SERPINB8: variants seen among roughly 807,000 people sequenced by gnomAD.
The protein encoded by SERPINB8 is serpin B8.
SERPINB8 carries 25 observed loss-of-function variants against 35.3 expected under a neutral mutation model. That is an observed-to-expected ratio of 0.71 (90% confidence interval 0.52 to 0.99). The LOEUF is 0.99. Among genes scored for constraint, SERPINB8 ranks in the 50% least tolerant of loss-of-function variants. SERPINB8 has a pLI of 0.00. For synonymous variants in SERPINB8, 186 were observed against 160.8 expected, an observed-to-expected ratio of 1.16 and a Z score of -1.19; for missense variants, 484 against 446.5, an observed-to-expected ratio of 1.08 and a Z score of -0.76.
downstream of SERPINB8, among the ~76,000 whole-genome samples, chr18:64,006,090 A>G (rs1020821053): frequency 8.5e-5 from 13 of 152,202 alleles, no homozygotes; most frequent in African/African-American, 2.9e-4. Flanking sequence ...TCCAAGGAAC[A>G]GAGAAATCAT....
intron 1 of SERPINB8, among the ~76,000 whole-genome samples, chr18:63,970,792 C>A (rs1394986982): frequency 2.6e-5 from 4 of 152,184 alleles, no homozygotes; most frequent in Non-Finnish European, 5.9e-5. Flanking sequence ...TGTCCCCCCC[C>A]TCCGTTCTTT....
chr18:64,001,432 G>A (rs985193046), intron 1 of SERPINB8, among the ~76,000 whole-genome samples: 2 of 151,968 alleles, frequency 1.3e-5, no homozygotes, highest in African/African-American at 4.8e-5. Context: ...GGAGGCACTC[G>A]ATTTAAGGAT....
At chr18:64,014,325 C>A (rs1387979671) in intron 7 of SERPINB8, among the ~76,000 whole-genome samples, 1 of 152,148 alleles carries the variant, frequency 6.6e-6, no homozygotes, top group African/African-American at 2.4e-5. Context: ...AAAAGAGGTG[C>A]CTTTCTTGCT....
At chr18:64,010,918 T>C (rs1019762147) in intron 7 of SERPINB8, among the ~76,000 whole-genome samples, 1 of 151,156 alleles carries the variant, frequency 6.6e-6, no homozygotes, top group Non-Finnish European at 1.5e-5. Flanking sequence ...TAGTGGGTAT[T>C]AGATGTTTAT....
At chr18:63,983,757 T>G in intron 5 of SERPINB8, 36 bp downstream of exon 5, 1 of 1,453,536 alleles carries the variant, frequency 6.9e-7, no homozygotes, top group African/African-American at 1.4e-5. Flanking sequence ...TGCTACTTTC[T>G]TAAAGTAATA....
chr18:63,999,352 C>G (rs968938318), intron 1 of SERPINB8, among the ~76,000 whole-genome samples: 1 of 152,202 alleles, frequency 6.6e-6, no homozygotes, highest in Middle Eastern at 3.2e-3. Context: ...GGTGCCCTAA[C>G]ACACCCGGAC....
intron 1 of SERPINB8, among the ~76,000 whole-genome samples, chr18:63,999,603 G>A (rs1568283705): frequency 6.6e-6 from 1 of 152,122 alleles, no homozygotes; most frequent in African/African-American, 2.4e-5. Flanking sequence ...CTTCTAGGGG[G>A]TTGAACCTTA....
downstream of SERPINB8, among the ~76,000 whole-genome samples, chr18:63,989,921 C>T (rs1378512466): frequency 1.1e-4 from 11 of 100,928 alleles, no homozygotes; most frequent in Non-Finnish European, 1.7e-4. Context: ...CCAGCCTGGG[C>T]GACAGAGCGA....
chr18:64,014,867 G>A (rs1162467002), intron 7 of SERPINB8, among the ~76,000 whole-genome samples: 3 of 152,086 alleles, frequency 2.0e-5, no homozygotes, highest in Non-Finnish European at 4.4e-5. Context: ...AAATCCTTTA[G>A]CCAGTTTCTG....
At chr18:63,978,532 AC>A in intron 2 of SERPINB8, 56 bp downstream of exon 2, 1 of 1,588,494 alleles carries the variant, frequency 6.3e-7, no homozygotes, top group Non-Finnish European at 8.6e-7. Context: ...GTGCTTCCAT[AC>A]AGCTGTCTTT....
At chr18:63,986,698 A>G in intron 6 of SERPINB8, 176 bp from the exon 7 acceptor site, 1 of 1,413,626 alleles carries the variant, frequency 7.1e-7, no homozygotes, top group South Asian at 1.7e-5. Flanking sequence ...AAACTGTGAA[A>G]AGATGAAAAT....
downstream of SERPINB8, among the ~76,000 whole-genome samples, chr18:63,989,535 A>G (rs2144830770): frequency 6.6e-6 from 1 of 152,226 alleles, no homozygotes; most frequent in South Asian, 2.1e-4. Flanking sequence ...AGCCTAGGAG[A>G]GTTCTGGTTT....
At chr18:63,989,939 T>C (rs1253901326), downstream of SERPINB8, among the ~76,000 whole-genome samples, 4 of 66,526 alleles carry the variant, frequency 6.0e-5, no homozygotes, top group African/African-American at 2.9e-4. Flanking sequence ...CGAGACTCTG[T>C]CTCAAAAAAA....
At chr18:64,016,896 GT>G (rs1468858698) in intron 7 of SERPINB8, among the ~76,000 whole-genome samples, 2 of 152,150 alleles carry the variant, frequency 1.3e-5, no homozygotes, top group East Asian at 1.9e-4. Context: ...ACAGAGAATT[GT>G]TTTTGCACTT....
In SERPINB8 at chr18:64,015,086, A is replaced by G. The variant is rs996156912; in HGVS notation, c.*3-3824A>G. On this transcript the variant is annotated intron_variant, in intron 7 of 7. Transcript: ENST00000636430. ...TTTTTGCCCATTATTCTTCCAGAACATACCATATTCTAGAAGCATAATGGG... is the reference window on the plus strand; with the variant it reads ...TTTTTGCCCATTATTCTTCCAGAACGTACCATATTCTAGAAGCATAATGGG... Among the ~76,000 whole-genome samples, 9 of 152,248 alleles carry G rather than the reference A, an allele frequency of 5.9e-5. No individual in the cohort carries two copies. The South Asian group carries it at 1.0e-3, about 17-fold the overall frequency.
At chr18:63,996,363 T>C (rs2050849317) in intron 1 of SERPINB8, among the ~76,000 whole-genome samples, 1 of 152,302 alleles carries the variant, frequency 6.6e-6, no homozygotes. Flanking sequence ...ATTCTTTGCA[T>C]TGGCAGTATC....
intron 5 of SERPINB8, 89 bp downstream of exon 5, chr18:63,983,810 CATG>C: frequency 1.1e-6 from 1 of 925,236 alleles, no homozygotes; most frequent in Non-Finnish European, 1.7e-6. Flanking sequence ...ATTTATTTGA[CATG>C]ATCTTGATTT....
At chr18:63,986,442 C>T (rs2144821390) in intron 6 of SERPINB8, 2 of 1,425,660 alleles carry the variant, frequency 1.4e-6, no homozygotes, top group Non-Finnish European at 1.8e-6. Flanking sequence ...CTGATTTAAC[C>T]CTGAATAGTC....
downstream of SERPINB8, among the ~76,000 whole-genome samples, chr18:64,010,492 A>T (rs1468537260): frequency 6.6e-6 from 1 of 152,182 alleles, no homozygotes; most frequent in Non-Finnish European, 1.5e-5. Flanking sequence ...ATTCAAAGGA[A>T]CAAATGATAT....
Sources: allele counts gnomAD v4.1 joint callset (sites outside exome capture counted in the v4.1 genomes callset), GRCh38; gene constraint gnomAD v4.1.1; transcripts MANE v1.5; gene names NCBI Gene and HGNC (gene_info 2026-07-23, HGNC 2026-07-21).